Variants in PLAGL1 observed in about 807,000 individuals in gnomAD.
PLAGL1 encodes zinc finger protein PLAGL1.
A neutral mutation model predicts 4.6 loss-of-function variants in PLAGL1; 1 was observed. The observed-to-expected ratio is 0.22, with a 90% CI of 0.08 to 1.03. The LOEUF (loss-of-function observed/expected upper bound fraction) is 1.03. PLAGL1 is among the 50% of genes least tolerant of loss of function. The pLI, the probability that PLAGL1 is intolerant of heterozygous loss-of-function variation, is 0.58. For missense variants in PLAGL1, 464 were observed against 570.4 expected (o/e 0.81, Z 1.90); for synonymous variants, 240 against 237.8 (o/e 1.01, Z -0.08).
At chr6:144,009,916 C>A (rs1011124883), upstream of PLAGL1, among the ~76,000 whole-genome samples, 4 of 152,168 alleles carry the variant, frequency 2.6e-5, no homozygotes, top group African/African-American at 9.7e-5. Flanking sequence ...TCCAGTCTAT[C>A]ACCAATGGCC....
rs1188237443 is a variant in PLAGL1, at chr6:144,015,058, T to G, written c.-150-46080A>C. Among the ~76,000 whole-genome samples the G allele has an allele frequency of 6.6e-6, 1 of 152,204 alleles. No homozygotes were observed. Among genetic ancestry groups the G allele is most frequent in the Non-Finnish European group, 1.5e-5 (1 of 68,022 alleles). On this transcript the variant is annotated intron_variant, in intron 1 of 3. Transcript: ENST00000437412. The surrounding 1 kb of genome is among the most constrained non-coding windows in gnomAD (Gnocchi z 4.3). ...AAATAAAAAGCAGGAACTATAAAAC[T>G]TCTGGAATCACCTTGTTCAATACAG...
chr6:144,022,322 A>C lies in PLAGL1; in HGVS notation c.-151+42146T>G, dbSNP rs574008526. Among the ~76,000 whole-genome samples, 11 of 152,374 alleles carry C rather than the reference A, an allele frequency of 7.2e-5. No individual in the cohort carries two copies. The highest frequency in any genetic ancestry group is 2.4e-4 in the African/African-American group (10 of 41,590). ...CATCATTTGTCTTTAGGAAAATCCA[A>C]ATTAAAACAAGATACTAGTACATAC... On this transcript the variant is annotated intron_variant, in intron 1 of 3. Transcript: ENST00000437412. This position sits in a 1 kb window ranked among gnomAD's most constrained non-coding sequence, Gnocchi z 4.2.
rs2128712865 is a variant in PLAGL1 at position 144,036,549 on chromosome 6, G to A, written c.-151+27919C>T. 1 of 174,424 alleles carries A rather than the reference G, an allele frequency of 5.7e-6. No individual in the cohort carries two copies. Among genetic ancestry groups the A allele is most frequent in the South Asian group, 1.1e-4 (1 of 8,702 alleles). 10.8% of individuals were successfully genotyped at this position (174,424 alleles called of 1,614,324 possible). ...TGCCGCGTGACAGGACTCCAGTCCTGGGGCTGCTACCGGGTGCAAGTGACA... is the reference window on the plus strand; with the variant it reads ...TGCCGCGTGACAGGACTCCAGTCCTAGGGCTGCTACCGGGTGCAAGTGACA... On this transcript the variant is annotated intron_variant, in intron 1 of 3. Coordinates refer to the PLAGL1 transcript ENST00000437412. The surrounding 1 kb of genome is among the most constrained non-coding windows in gnomAD (Gnocchi z 5.1).
intron 1 of PLAGL1, among the ~76,000 whole-genome samples, chr6:143,996,369 C>T (rs1293370693): frequency 6.6e-6 from 1 of 152,212 alleles, no homozygotes; most frequent in African/African-American, 2.4e-5. Context: ...TAAGCACCTA[C>T]AAAGCGCTTG....
intron 1 of PLAGL1, among the ~76,000 whole-genome samples, chr6:144,002,373 G>T (rs1442615278): frequency 1.3e-5 from 2 of 152,016 alleles, no homozygotes; most frequent in Non-Finnish European, 2.9e-5. Context: ...AAAAGGCAAG[G>T]ATATCCTTTG....
chr6:143,988,553 C>T (rs777514278), intron 1 of PLAGL1, among the ~76,000 whole-genome samples: 6 of 152,200 alleles, frequency 3.9e-5, no homozygotes, highest in Non-Finnish European at 8.8e-5. Context: ...AAGATGATAT[C>T]CTTTATTGTT....
chr6:144,041,144 C>T (rs1334593143), intron 1 of PLAGL1, among the ~76,000 whole-genome samples: 2 of 151,964 alleles, frequency 1.3e-5, no homozygotes, highest in Non-Finnish European at 2.9e-5. Flanking sequence ...ATAGTAAAAG[C>T]TAATATTTAT....
Position 143,952,633 on chromosome 6 carries a change from C to T in PLAGL1, c.-324-4173G>A, listed in dbSNP as rs148579824. On this transcript the variant is annotated intron_variant, in intron 6 of 7. Transcript: ENST00000674357. This position sits in a 1 kb window ranked among gnomAD's most constrained non-coding sequence, Gnocchi z 6.1. ...TGTGTTCCCAGGGGACAGGGGTATA[C>T]GAGGGTGGAGGGGGGAGTCAGAACA... 2.6e-3 allele frequency among the ~76,000 whole-genome samples: 394 copies of T among 152,172 alleles called. No homozygotes were observed. Among genetic ancestry groups the T allele is most frequent in the African/African-American group, 9.1e-3 (379 of 41,530 alleles).
chr6:144,062,380 C>CAA lies in PLAGL1; in HGVS notation c.-151+2086_-151+2087dup, dbSNP rs60916927. ...TGACAGAGTGAGACTCCGTCTCAAA[C>CAA]AAAAAAAAAAAAAGAGAGAGACATC... On this transcript the variant is annotated intron_variant, in intron 1 of 3. Transcript: ENST00000437412. 3.6e-3 allele frequency among the ~76,000 whole-genome samples: 311 copies of CAA among 85,972 alleles called. 2 individuals carry two copies. The highest frequency in any genetic ancestry group is 9.2e-3 in the African/African-American group (224 of 24,232). 56.4% of individuals were successfully genotyped at this position (85,972 alleles called of 152,430 possible). A position where few individuals can be genotyped will look rare whatever the true frequency, so the allele number is the denominator to read the frequency against.
At position 143,942,686 on chromosome 6, in the gene PLAGL1, C is replaced by T. The variant is rs1005498010; in HGVS notation, c.153-23G>A. 6.3e-7 allele frequency: 1 copy of T among 1,582,602 alleles called. No homozygotes were observed. Among genetic ancestry groups the T allele is most frequent in the African/African-American group, 1.4e-5 (1 of 73,776 alleles). ...TGCCTAGGAGCAGAAGGAGAAATTT[C>T]ACAATAGAGAGTTGTTTTAAGAGCT... is the stretch of plus-strand genomic sequence containing the variant. On this transcript the variant is annotated intron_variant, in intron 7 of 7. Coordinates refer to ENST00000674357, the MANE Select transcript of PLAGL1 (RefSeq NM_001317162.2). This position sits in a 1 kb window ranked among gnomAD's most constrained non-coding sequence, Gnocchi z 7.6.
Position 143,949,134 on chromosome 6 carries a change from C to T in PLAGL1, c.-324-674G>A, listed in dbSNP as rs532196913. 7.9e-5 allele frequency among the ~76,000 whole-genome samples: 12 copies of T among 152,312 alleles called. No homozygotes were observed. Among genetic ancestry groups the T allele is most frequent in the African/African-American group, 2.9e-4 (12 of 41,560 alleles). On this transcript the variant is annotated intron_variant, in intron 6 of 7. Coordinates refer to ENST00000674357, the MANE Select transcript of PLAGL1 (RefSeq NM_001317162.2). This position sits in a 1 kb window ranked among gnomAD's most constrained non-coding sequence, Gnocchi z 5.3. ...AGGCACCATCCTCTAGTAAGTTCTA[C>T]TAATCTCTTCCTTTTTTGTTTATGG...
At position 144,055,190 on chromosome 6, in the gene PLAGL1, C is replaced by T. The variant is rs892269293; in HGVS notation, c.-151+9278G>A. 7.3e-6 allele frequency among the ~76,000 whole-genome samples: 1 copy of T among 137,414 alleles called. No individual in the cohort carries two copies. Among genetic ancestry groups the T allele is most frequent in the Non-Finnish European group, 1.7e-5 (1 of 60,360 alleles). 90.1% of individuals were successfully genotyped at this position (137,414 alleles called of 152,430 possible). ...AGGCATATCCACAGATATTCATATC[C>T]ACAGATATTCATGAAAACACACTTA... is the stretch of plus-strand genomic sequence containing the variant. On this transcript the variant is annotated intron_variant, in intron 1 of 3. Coordinates refer to the PLAGL1 transcript ENST00000437412. This position sits in a 1 kb window ranked among gnomAD's most constrained non-coding sequence, Gnocchi z 5.0.
At position 143,981,259 on chromosome 6, in the gene PLAGL1, G is replaced by T. The variant is rs368433153; in HGVS notation, c.-544+3876C>A. ...TTTTTCCACTCTGAATGGTGGGGGT[G>T]GGGTGGGGGGGACACACTCTTCACT... On this transcript the variant is annotated intron_variant, in intron 2 of 7. Transcript: ENST00000674357. 1.3e-4 allele frequency among the ~76,000 whole-genome samples: 20 copies of T among 151,066 alleles called. No individual in the cohort carries two copies. The East Asian group carries it at 3.7e-3, about 28-fold the overall frequency.
chr6:144,009,328 TA>T (rs1471105337), upstream of PLAGL1, among the ~76,000 whole-genome samples: 11 of 152,246 alleles, frequency 7.2e-5, no homozygotes, highest in African/African-American at 2.7e-4. Flanking sequence ...CCTGAATTTT[TA>T]TTTTTATTTA....
intron 1 of PLAGL1, among the ~76,000 whole-genome samples, chr6:144,041,674 G>A (rs541217880): frequency 3.0e-4 from 45 of 152,292 alleles, no homozygotes; most frequent in African/African-American, 8.7e-4. Flanking sequence ...ATAGTAGCAT[G>A]ATTTATAATC....
intron 1 of PLAGL1, among the ~76,000 whole-genome samples, chr6:144,021,852 G>C (rs193036992): frequency 2.6e-5 from 4 of 152,286 alleles, no homozygotes; most frequent in African/African-American, 9.6e-5. Flanking sequence ...ATTCCAGAAA[G>C]GTTTCAAATG....
chr6:143,941,940 G>C lies in PLAGL1; in HGVS notation c.876C>G (p.Gly292=). The change falls in exon 8 of 8, where the codon GGC becomes GGG. Residue 292 remains glycine, a synonymous_variant. Transcript: ENST00000674357. The surrounding 1 kb of genome is among the most constrained non-coding windows in gnomAD (Gnocchi z 6.0). The stretch of plus-strand genomic sequence containing the variant: ...GATTGGGAAGGGGTGGCGGAGGAGA[G>C]CCAGGGGATACCGAGGGGTGGAGGG... ...LASLHPSVSP[G]SPPPPLPNHK... is the part of the protein sequence containing the mutation. The C allele has an allele frequency of 6.2e-7, 1 of 1,607,612 alleles. No homozygotes were observed. Among genetic ancestry groups the C allele is most frequent in the South Asian group, 1.1e-5 (1 of 90,258 alleles).
At position 143,941,317 on chromosome 6, in the gene PLAGL1, G is replaced by T; in HGVS notation, c.*107C>A. 1.3e-6 allele frequency: 1 copy of T among 797,264 alleles called. No individual in the cohort carries two copies. The highest frequency in any genetic ancestry group is 1.9e-6 in the Non-Finnish European group (1 of 519,678). The allele number at this position is 797,264 out of a possible 1,614,324, so 49.4% of individuals were successfully genotyped here. A position where few individuals can be genotyped will look rare whatever the true frequency, so the allele number is the denominator to read the frequency against. ...TCTCAAGCCAGTCATCACTGAATAA[G>T]CCATAGTCCCAGTCTCGTTTTCCAA... On this transcript the variant is annotated 3_prime_UTR_variant, in exon 8 of 8. Coordinates refer to ENST00000674357, the MANE Select transcript of PLAGL1 (RefSeq NM_001317162.2). The surrounding 1 kb of genome is among the most constrained non-coding windows in gnomAD (Gnocchi z 6.0).
At chr6:144,031,524 G>T (rs1796831442) in intron 1 of PLAGL1, among the ~76,000 whole-genome samples, 2 of 152,182 alleles carry the variant, frequency 1.3e-5, no homozygotes, top group South Asian at 4.1e-4. Flanking sequence ...GTTGATCTTT[G>T]TATAAGAAGA....
Sources: allele counts gnomAD v4.1 joint callset (sites outside exome capture counted in the v4.1 genomes callset), GRCh38; gene constraint gnomAD v4.1.1; non-coding constraint Gnocchi (gnomAD v3.1); transcripts MANE v1.5; gene names NCBI Gene and HGNC (gene_info 2026-07-23, HGNC 2026-07-21).